ESYT1: variants seen among roughly 807,000 people sequenced by gnomAD.
ESYT1 encodes the protein extended synaptotagmin 1, also known as extended synaptotagmin-1.
Under a neutral mutation model 154.2 loss-of-function variants are expected in ESYT1, and 116 were observed. The observed-to-expected ratio is 0.75, with a 90% CI of 0.65 to 0.88. The LOEUF is 0.88. ESYT1 is among the 40% of genes least tolerant of loss of function. The pLI is 0.00. For missense variants in ESYT1, 1,264 were observed against 1,379.3 expected (o/e 0.92, Z 1.32); for synonymous variants, 500 against 539.9 (o/e 0.93, Z 1.02).
intron 11 of ESYT1, 49 bp downstream of exon 11, chr12:56,133,514 G>A: frequency 3.1e-6 from 5 of 1,613,818 alleles, no homozygotes; most frequent in Non-Finnish European, 4.2e-6. Flanking sequence ...CCTTTGGGTA[G>A]ATAGTAGTTG....
At position 56,142,467 on chromosome 12, in the gene ESYT1, G is replaced by A; in HGVS notation, c.2733+42G>A. 1 of 1,607,504 alleles carries A rather than the reference G, an allele frequency of 6.2e-7. No individual in the cohort carries two copies. Among genetic ancestry groups the A allele is most frequent in the Non-Finnish European group, 8.5e-7 (1 of 1,175,186 alleles). ...GGTGGGCAGGATGAGAGGGAGGAGG[G>A]GAGGGCCTTCACAGGTGAGGGACAC... On this transcript the variant is annotated intron_variant, in intron 25 of 30. Transcript: ENST00000394048. This position sits in a 1 kb window ranked among gnomAD's most constrained non-coding sequence, Gnocchi z 4.1.
rs1469902477 is a variant in ESYT1, at chr12:56,128,363, A to G, written c.44A>G (p.Asp15Gly). Residue 15 changes from aspartate to glycine, a missense_variant, in exon 1 of 31, where the codon GAC becomes GGC. Coordinates refer to ENST00000394048, the MANE Select transcript of ESYT1 (RefSeq NM_015292.3). ...GAGGGCCCCAGCCCCAGCCCCATGG[A>G]CCAGCCCTCTGCTCCCTCCGACCCC... ...PGEGPSPSPM[D>G]QPSAPSDPTD... is the part of the protein sequence containing the mutation. 1 of 1,612,466 alleles carries G rather than the reference A, an allele frequency of 6.2e-7. No homozygotes were observed. Among genetic ancestry groups the G allele is most frequent in the Non-Finnish European group, 8.5e-7 (1 of 1,179,408 alleles).
Position 56,130,886 on chromosome 12 carries a change from G to C in ESYT1, c.528G>C (p.Leu176=). ...APAVRGSNPH[L]QTFTFTRVEL... The stretch of plus-strand genomic sequence containing the variant: ...CTGTTAGGGGATCTAACCCCCATCT[G>C]CAAACATTTACATTTACACGAGTGG... The change falls in exon 3 of 31, where the codon CTG becomes CTC. Residue 176 remains leucine (L), a synonymous_variant. Coordinates refer to ENST00000394048, the MANE Select transcript of ESYT1 (RefSeq NM_015292.3). The C allele has an allele frequency of 6.2e-7, 1 of 1,614,194 alleles. No individual in the cohort carries two copies. The highest frequency in any genetic ancestry group is 8.5e-7 in the Non-Finnish European group (1 of 1,180,034).
chr12:56,138,481 G>A lies in ESYT1; in HGVS notation c.2415G>A (p.Glu805=). 6.2e-7 allele frequency: 1 copy of A among 1,610,072 alleles called. No homozygotes were observed. The highest frequency in any genetic ancestry group is 1.7e-4 in the Middle Eastern group (1 of 6,048). The change falls in exon 22 of 31, where the codon GAG becomes GAA. Residue 805 remains glutamate (E), a synonymous_variant. Transcript: ENST00000394048. ...LAAALLSIYM[E]RAEDLPLRKG... ...CGGCCCTGCTATCCATCTATATGGA[G>A]CGGGCAGAGGACCTCCCGGTGAGAT...
chr12:56,141,464 G>A (rs1325834681), intron 24 of ESYT1, among the ~76,000 whole-genome samples: 4 of 152,220 alleles, frequency 2.6e-5, no homozygotes, highest in South Asian at 2.1e-4. Flanking sequence ...AGCTAGGTTG[G>A]GCGCGGTGGC....
chr12:56,142,140 A>G lies in ESYT1; in HGVS notation c.2593-145A>G. 2.3e-6 allele frequency: 2 copies of G among 872,032 alleles called. No individual in the cohort carries two copies. Among genetic ancestry groups the G allele is most frequent in the Non-Finnish European group, 3.5e-6 (2 of 565,272 alleles). 54.0% of individuals were successfully genotyped at this position (872,032 alleles called of 1,614,324 possible). ...AGGAAGGACAGAGGGAGGGACTAGCAACTGTTACCATGGCTTCCCTGCCTT... is the reference window on the plus strand; with the variant it reads ...AGGAAGGACAGAGGGAGGGACTAGCGACTGTTACCATGGCTTCCCTGCCTT... On this transcript the variant is annotated intron_variant, in intron 24 of 30. Coordinates refer to ENST00000394048, the MANE Select transcript of ESYT1 (RefSeq NM_015292.3). The surrounding 1 kb of genome is among the most constrained non-coding windows in gnomAD (Gnocchi z 4.1).
chr12:56,132,694 A>T (rs367694178), intron 9 of ESYT1, 25 bp from the exon 10 acceptor site: 1 of 1,613,980 alleles, frequency 6.2e-7, no homozygotes. Context: ...GCCCCATGAG[A>T]CACTCAGCCT....
intron 16 of ESYT1, 22 bp downstream of exon 16, chr12:56,136,915 T>A (rs754724935): frequency 1.3e-6 from 2 of 1,564,818 alleles, no homozygotes. Flanking sequence ...GAGGAGGTAC[T>A]GAGGTGTGGG....
Position 56,128,428 on chromosome 12 carries a change from G to C in ESYT1, c.109G>C (p.Gly37Arg). 1 of 1,612,878 alleles carries C rather than the reference G, an allele frequency of 6.2e-7. No homozygotes were observed. Among genetic ancestry groups the C allele is most frequent in the Non-Finnish European group, 8.5e-7 (1 of 1,179,436 alleles). The change falls in exon 1 of 31, where the codon GGT becomes CGT. Residue 37 changes from glycine (G) to arginine (R), a missense_variant. Gly to Arg is a moderately radical substitution (Grantham distance 125, BLOSUM62 -2). Transcript: ENST00000394048. ...CGCTGCTCACGCAAAGCCAGACCCAGGTTCTGGGGGCCAACCTGCTGGCCC... is the reference window on the plus strand; with the variant it reads ...CGCTGCTCACGCAAAGCCAGACCCACGTTCTGGGGGCCAACCTGCTGGCCC... Reference protein sequence around the residue: ...PPAAHAKPDPGSGGQPAGPGA... With the variant: ...PPAAHAKPDPRSGGQPAGPGA...
Position 56,143,867 on chromosome 12 carries a change from T to C in ESYT1, c.*5T>C. On this transcript the variant is annotated 3_prime_UTR_variant, in exon 31 of 31. Coordinates refer to ENST00000394048, the MANE Select transcript of ESYT1 (RefSeq NM_015292.3). ...AAGGACAAGGGCAGCTCCTAGGAGCTGGCGAGTCCCAGCCTGACTGCTCTG... is the reference window on the plus strand; with the variant it reads ...AAGGACAAGGGCAGCTCCTAGGAGCCGGCGAGTCCCAGCCTGACTGCTCTG... The C allele has an allele frequency of 6.2e-7, 1 of 1,613,888 alleles. No individual in the cohort carries two copies. The highest frequency in any genetic ancestry group is 8.5e-7 in the Non-Finnish European group (1 of 1,179,904).
At chr12:56,136,666 G>T (rs944136357) in intron 15 of ESYT1, 78 bp from the exon 16 acceptor site, 44 of 1,345,290 alleles carry the variant, frequency 3.3e-5, no homozygotes, top group Non-Finnish European at 3.6e-5. Context: ...AATGAAGTTG[G>T]AGCCATGTTA....
In ESYT1 at chr12:56,129,951, G is replaced by A. The variant is rs150770797; in HGVS notation, c.391-631G>A. Among the ~76,000 whole-genome samples, 438 of 151,528 alleles carry A rather than the reference G, an allele frequency of 2.9e-3. 2 individuals carry two copies. The highest frequency in any genetic ancestry group is 0.01 in the African/African-American group (424 of 41,242). ...TTTTTCTTTTTTGAGACGGAGTCTCGCTCTGTTGCCAAGCTGGAGTGCAGT... is the reference window on the plus strand; with the variant it reads ...TTTTTCTTTTTTGAGACGGAGTCTCACTCTGTTGCCAAGCTGGAGTGCAGT... On this transcript the variant is annotated intron_variant, in intron 1 of 30. Coordinates refer to ENST00000394048, the MANE Select transcript of ESYT1 (RefSeq NM_015292.3).
At chr12:56,141,540 A>T (rs758781776) in intron 24 of ESYT1, among the ~76,000 whole-genome samples, 1 of 152,206 alleles carries the variant, frequency 6.6e-6, no homozygotes, top group East Asian at 1.9e-4. Context: ...GGAGATCGAG[A>T]CCATCCTGGC....
At position 56,139,862 on chromosome 12, in the gene ESYT1, A is replaced by T. The variant is rs1038308824; in HGVS notation, c.2592+849A>T. ...CTCAGCCTCCCAAAGTGCTGGGATT[A>T]TAGGTGTGAGCCACTGCACCCGGCC... On this transcript the variant is annotated intron_variant, in intron 24 of 30. Transcript: ENST00000394048. Among the ~76,000 whole-genome samples the T allele has an allele frequency of 4.0e-5, 6 of 151,410 alleles. 1 individual carries two copies. The South Asian group carries it at 1.2e-3, about 31-fold the overall frequency.
At position 56,129,792 on chromosome 12, in the gene ESYT1, C is replaced by A. The variant is rs74972206; in HGVS notation, c.391-790C>A. On this transcript the variant is annotated intron_variant, in intron 1 of 30. Transcript: ENST00000394048. ...AAACACACACACACACCCCAAAAAACCCACAAAGCCAGGCCTAATTAGGTC... is the reference window on the plus strand; with the variant it reads ...AAACACACACACACACCCCAAAAAAACCACAAAGCCAGGCCTAATTAGGTC... Among the ~76,000 whole-genome samples the A allele has an allele frequency of 1.1e-4, 16 of 152,316 alleles. No individual in the cohort carries two copies. In the East Asian group the frequency reaches 2.7e-3, roughly 26 times the overall value.
chr12:56,135,595 G>A (rs1870417891), intron 15 of ESYT1, among the ~76,000 whole-genome samples: 2 of 151,950 alleles, frequency 1.3e-5, no homozygotes. Context: ...TCAAGAACAA[G>A]TACATATGAA....
rs1276639259 is a variant in ESYT1 at position 56,131,086 on chromosome 12, A to T, written c.614A>T (p.Glu205Val). Residue 205 changes from glutamate (E) to valine (V), a missense_variant, in exon 4 of 31, where the codon GAG becomes GTG. By Grantham distance (121) the Glu-to-Val change is moderately radical (BLOSUM62 -2). Coordinates refer to ENST00000394048, the MANE Select transcript of ESYT1 (RefSeq NM_015292.3). ...GVKVHPGQRK[E>V]QILLDLNISY... is the part of the protein sequence containing the mutation. The stretch of plus-strand genomic sequence containing the variant: ...AAGGTTCACCCAGGTCAGAGAAAAG[A>T]GCAGATCCTGCTGGACTTGAACATC... 8.1e-6 allele frequency: 13 copies of T among 1,614,014 alleles called. No homozygotes were observed. The highest frequency in any genetic ancestry group is 2.7e-5 in the African/African-American group (2 of 74,902).
At chr12:56,140,552 C>T (rs554968884) in intron 24 of ESYT1, among the ~76,000 whole-genome samples, 2 of 151,864 alleles carry the variant, frequency 1.3e-5, no homozygotes, top group African/African-American at 2.4e-5. Flanking sequence ...TTAAGAGAGA[C>T]GGGGTTTCAC....
At chr12:56,141,549 G>A (rs974973862) in intron 24 of ESYT1, among the ~76,000 whole-genome samples, 4 of 152,088 alleles carry the variant, frequency 2.6e-5, no homozygotes, top group African/African-American at 4.8e-5. Context: ...GACCATCCTG[G>A]CTAACACGGT....
Sources: gnomAD v4.1 joint callset for allele counts (sites outside exome capture counted in the v4.1 genomes callset) on GRCh38, gnomAD v4.1.1 for gene constraint, Gnocchi (gnomAD v3.1) non-coding constraint, MANE v1.5 for transcripts, NCBI Gene and HGNC (gene_info 2026-07-23, HGNC 2026-07-21) for gene names.